Variants in KCMF1 observed in about 807,000 individuals in gnomAD.
KCMF1 encodes the protein E3 ubiquitin-protein ligase KCMF1.
In KCMF1, 3 loss-of-function variants were observed where a neutral mutation model predicts 41.1. That is an observed-to-expected ratio of 0.07 (90% CI 0.03 to 0.19). The LOEUF is 0.19. KCMF1 is among the 10% of genes least tolerant of loss of function. The pLI is 1.00. For synonymous variants in KCMF1, 142 were observed against 164.5 expected (o/e 0.86, Z 1.04); for missense variants, 286 against 488.9 (o/e 0.58, Z 3.91).
intron 1 of KCMF1, chr2:84,972,103 C>G (rs927821972): frequency 6.6e-6 from 1 of 152,216 alleles, no homozygotes; most frequent in South Asian, 2.1e-4. Context: ...AACCAAGTTC[C>G]CGGGGTGGAT....
chr2:85,002,244 C>A (rs763515052), intron 1 of KCMF1, among the ~76,000 whole-genome samples: 1 of 152,130 alleles, frequency 6.6e-6, no homozygotes, highest in African/African-American at 2.4e-5. Context: ...ATTCATTTAA[C>A]CTCCAGTTTA....
At chr2:85,013,634 CTA>C (rs1674699472) in intron 1 of KCMF1, among the ~76,000 whole-genome samples, 2 of 151,966 alleles carry the variant, frequency 1.3e-5, no homozygotes. Flanking sequence ...CCCGTCTCTA[CTA>C]AAAGTACAAA....
At chr2:85,036,863 A>T (rs1471902875) in intron 3 of KCMF1, among the ~76,000 whole-genome samples, 1 of 148,824 alleles carries the variant, frequency 6.7e-6, no homozygotes, top group Admixed American at 6.7e-5. Context: ...ACATTAATTG[A>T]TAATATTTAT....
chr2:84,988,623 T>C (rs1216919947), intron 1 of KCMF1, among the ~76,000 whole-genome samples: 2 of 152,190 alleles, frequency 1.3e-5, no homozygotes, highest in African/African-American at 4.8e-5. Context: ...AAATTTCAGA[T>C]CCACCCAGCA....
At chr2:84,991,911 C>T (rs1294045695) in intron 1 of KCMF1, among the ~76,000 whole-genome samples, 19 of 152,198 alleles carry the variant, frequency 1.2e-4, no homozygotes, top group Admixed American at 1.2e-3. Context: ...ACTATGTATG[C>T]TGCTGGTATG....
In KCMF1 at chr2:85,049,624, A is replaced by G. The variant is rs1675761016; in HGVS notation, c.860A>G (p.Gln287Arg). 7 of 1,613,012 alleles carry G rather than the reference A, an allele frequency of 4.3e-6. No individual in the cohort carries two copies. Among genetic ancestry groups the G allele is most frequent in the Non-Finnish European group, 5.9e-6 (7 of 1,179,080 alleles). ...ANTESSQQTL[Q>R]NSQFLLTRLN... ...ACAGAAAGCAGTCAGCAGACTCTAC[A>G]GAATTCCCAGTTTCTTTTAACAAGG... is the stretch of plus-strand genomic sequence containing the variant. The change falls in exon 6 of 7, where the codon CAG (glutamine) becomes CGG (arginine). Residue 287 changes from glutamine to arginine, a missense_variant. Gln to Arg is a conservative substitution (Grantham distance 43). This residue lies in a region of KCMF1 where 191 missense variants were observed against 279.3 expected (regional missense o/e 0.68). Coordinates refer to ENST00000409785, the MANE Select transcript of KCMF1 (RefSeq NM_020122.5).
At chr2:84,993,578 TA>T (rs1386071595) in intron 1 of KCMF1, among the ~76,000 whole-genome samples, 1 of 151,746 alleles carries the variant, frequency 6.6e-6, no homozygotes, top group Admixed American at 6.6e-5. Context: ...TTTATTTATT[TA>T]TTTATTTATT....
At chr2:85,027,730 C>T (rs1018365783) in intron 1 of KCMF1, among the ~76,000 whole-genome samples, 159 bp from the exon 2 acceptor site, 33 of 152,094 alleles carry the variant, frequency 2.2e-4, no homozygotes, top group African/African-American at 8.0e-4. Flanking sequence ...AGTAATGAAT[C>T]CAGCACATGG....
At chr2:85,007,544 C>CA (rs1674502819) in intron 1 of KCMF1, among the ~76,000 whole-genome samples, 1 of 152,126 alleles carries the variant, frequency 6.6e-6, no homozygotes, top group Admixed American at 6.6e-5. Context: ...AGGAACAGGT[C>CA]AGAGGGGGAC....
chr2:85,028,121 G>A lies in KCMF1; in HGVS notation c.184+65G>A. The A allele has an allele frequency of 5.6e-6, 6 of 1,067,066 alleles. No homozygotes were observed. The East Asian group carries it at 1.5e-4, about 26-fold the overall frequency. 66.1% of individuals were successfully genotyped at this position (1,067,066 alleles called of 1,614,324 possible). ...TTTTATGTACGTTGAAGAAGTAAAG[G>A]CAAAGTGTTCTAAAACTCCCCAGCA... On this transcript the variant is annotated intron_variant, in intron 2 of 6. Coordinates refer to ENST00000409785, the MANE Select transcript of KCMF1 (RefSeq NM_020122.5).
intron 1 of KCMF1, among the ~76,000 whole-genome samples, chr2:85,006,709 G>A (rs960179759): frequency 6.6e-6 from 1 of 152,084 alleles, no homozygotes; most frequent in East Asian, 1.9e-4. Flanking sequence ...GAATTTTTAT[G>A]TATGTGTGTG....
At chr2:85,049,005 T>C (rs1052738758) in intron 5 of KCMF1, among the ~76,000 whole-genome samples, 2 of 152,222 alleles carry the variant, frequency 1.3e-5, no homozygotes, top group African/African-American at 4.8e-5. Flanking sequence ...CCTGCTTCCA[T>C]GGAACACATA....
chr2:84,972,378 G>GTATA (rs945901881), intron 1 of KCMF1: 2 of 152,382 alleles, frequency 1.3e-5, no homozygotes, highest in South Asian at 2.1e-4. Context: ...TAGGGTCGAT[G>GTATA]TATAGGCTTT....
At chr2:85,041,272 T>C (rs1165385809) in intron 3 of KCMF1, among the ~76,000 whole-genome samples, 2 of 152,238 alleles carry the variant, frequency 1.3e-5, no homozygotes, top group Admixed American at 6.5e-5. Flanking sequence ...AAAAAGATTT[T>C]GAGTATAGAA....
intron 1 of KCMF1, among the ~76,000 whole-genome samples, chr2:85,020,371 C>T (rs185663152): frequency 9.2e-5 from 14 of 152,258 alleles, no homozygotes; most frequent in Admixed American, 8.5e-4. Context: ...ATAGGTATCT[C>T]CCCCCATTGA....
At chr2:84,993,779 T>C (rs546663275) in intron 1 of KCMF1, among the ~76,000 whole-genome samples, 1 of 152,056 alleles carries the variant, frequency 6.6e-6, no homozygotes, top group African/African-American at 2.4e-5. Context: ...TTTCATCATG[T>C]TGGCCAGGCT....
At chr2:85,010,301 T>C (rs1348228531) in intron 1 of KCMF1, among the ~76,000 whole-genome samples, 1 of 152,126 alleles carries the variant, frequency 6.6e-6, no homozygotes, top group African/African-American at 2.4e-5. Flanking sequence ...AAACCCCGTC[T>C]CTGCTAAAAA....
At chr2:85,012,497 CTTCT>C (rs1333988807) in intron 1 of KCMF1, among the ~76,000 whole-genome samples, 2 of 152,120 alleles carry the variant, frequency 1.3e-5, no homozygotes, top group African/African-American at 2.4e-5. Context: ...TAGTCCCTTC[CTTCT>C]TTCTTTTCCG....
chr2:84,974,658 CATATATATATATATAT>C (rs71392939), intron 1 of KCMF1, among the ~76,000 whole-genome samples: 446 of 29,352 alleles, frequency 0.015, 5 homozygotes, highest in African/African-American at 0.029. Flanking sequence ...ATTTTAATTT[CATATATATATATATAT>C]ATATATATAT....
Sources: allele counts gnomAD v4.1 joint callset (sites outside exome capture counted in the v4.1 genomes callset), GRCh38; gene constraint gnomAD v4.1.1; regional missense constraint gnomAD v4.1.1; transcripts MANE v1.5; gene names NCBI Gene and HGNC (gene_info 2026-07-23, HGNC 2026-07-21).